The following BIN1 variants were observed in gnomAD, a reference collection of about 807,000 sequenced individuals.
BIN1 encodes myc box-dependent-interacting protein 1.
A neutral mutation model predicts 82.0 loss-of-function variants in BIN1; 53 were observed. The observed-to-expected ratio is 0.65, with a 90% CI of 0.52 to 0.81. The LOEUF is 0.81. Among genes scored for constraint, BIN1 ranks in the 40% least tolerant of loss-of-function variants. The pLI is 0.00. For synonymous variants in BIN1, 302 were observed against 328.0 expected (o/e 0.92, Z 0.86); for missense variants, 642 against 784.4 (o/e 0.82, Z 2.17).
intron 1 of BIN1, among the ~76,000 whole-genome samples, chr2:127,089,274 C>T (rs945372001): frequency 2.0e-5 from 3 of 152,062 alleles, no homozygotes; most frequent in Non-Finnish European, 4.4e-5. Context: ...AAGACTCTGG[C>T]CCTTAAAACC....
At chr2:127,077,707 G>A (rs1686797989) in intron 1 of BIN1, among the ~76,000 whole-genome samples, 1 of 152,144 alleles carries the variant, frequency 6.6e-6, no homozygotes, top group Non-Finnish European at 1.5e-5. Context: ...AAGAGCTGGG[G>A]CACAGAAAAG....
chr2:127,094,048 C>T (rs924621420), intron 1 of BIN1, among the ~76,000 whole-genome samples: 15 of 152,312 alleles, frequency 9.8e-5, no homozygotes, highest in Middle Eastern at 3.4e-3. Context: ...GCCGGCACCC[C>T]GACCTTCAGG....
chr2:127,066,958 C>G (rs1685217808), intron 7 of BIN1, among the ~76,000 whole-genome samples: 1 of 151,878 alleles, frequency 6.6e-6, no homozygotes, highest in Non-Finnish European at 1.5e-5. Flanking sequence ...GTGGTCCCAG[C>G]TACTCGGGAG....
At chr2:127,063,909 G>A in intron 8 of BIN1, 24 bp downstream of exon 8, 1 of 1,612,124 alleles carries the variant, frequency 6.2e-7, no homozygotes, top group Non-Finnish European at 8.5e-7. Context: ...CCCCACGCAG[G>A]CTGGGCACCG....
chr2:127,081,989 G>A (rs1023388240), intron 1 of BIN1: 2 of 960,830 alleles, frequency 2.1e-6, no homozygotes, highest in South Asian at 1.6e-5. Flanking sequence ...AGGCTCCCCA[G>A]GCAGGCAGAC....
At chr2:127,051,508 A>G (rs1337992749) in intron 15 of BIN1, among the ~76,000 whole-genome samples, 2 of 152,054 alleles carry the variant, frequency 1.3e-5, no homozygotes, top group Non-Finnish European at 2.9e-5. Flanking sequence ...GCCCAGTGCA[A>G]GCCCCAGAGT....
Position 127,061,935 on chromosome 2 carries a change from C to T in BIN1, c.857+180G>A, listed in dbSNP as rs144499428. 9.0e-3 allele frequency among the ~76,000 whole-genome samples: 1,367 copies of T among 152,242 alleles called. 20 individuals carry two copies. The highest frequency in any genetic ancestry group is 0.031 in the African/African-American group (1,295 of 41,532). On this transcript the variant is annotated intron_variant, in intron 10 of 18. Coordinates refer to ENST00000316724, the MANE Select transcript of BIN1 (RefSeq NM_139343.3). ...ACACAGCCAGAGGGGCAGGGACATT[C>T]GAGACAGAGACCTGCCCTCACCTGC...
intron 1 of BIN1, among the ~76,000 whole-genome samples, chr2:127,092,401 C>A (rs943149753): frequency 6.6e-6 from 1 of 152,180 alleles, no homozygotes; most frequent in Non-Finnish European, 1.5e-5. Context: ...AGGTGCCATC[C>A]CTCCCTGGGC....
chr2:127,094,426 C>T (rs1408070374), intron 1 of BIN1, among the ~76,000 whole-genome samples: 2 of 152,190 alleles, frequency 1.3e-5, no homozygotes, highest in Non-Finnish European at 2.9e-5. Context: ...GACCAGCAAA[C>T]AGGGTTTGCT....
At position 127,057,362 on chromosome 2, in the gene BIN1, C is replaced by A; in HGVS notation, c.1131+111G>T. On this transcript the variant is annotated intron_variant, in intron 12 of 18. Coordinates refer to ENST00000316724, the MANE Select transcript of BIN1 (RefSeq NM_139343.3). This position sits in a 1 kb window ranked among gnomAD's most constrained non-coding sequence, Gnocchi z 5.0. ...AGGGTGAGAGAGGGAAACTGACACT[C>A]TCTCTGGCCAGATTCCTGGCTCTTG... The A allele has an allele frequency of 7.3e-7, 1 of 1,362,328 alleles. No individual in the cohort carries two copies. The highest frequency in any genetic ancestry group is 2.8e-5 in the Admixed American group (1 of 35,710). 84.4% of individuals were successfully genotyped at this position (1,362,328 alleles called of 1,614,324 possible). A position where few individuals can be genotyped will look rare whatever the true frequency, so the allele number is the denominator to read the frequency against.
At chr2:127,078,678 C>T (rs1178227918) in intron 1 of BIN1, among the ~76,000 whole-genome samples, 1 of 152,172 alleles carries the variant, frequency 6.6e-6, no homozygotes, top group African/African-American at 2.4e-5. Context: ...ACAAAACCCC[C>T]ACATGAGCAA....
Position 127,048,175 on chromosome 2 carries a change from G to A in BIN1, c.*351C>T, listed in dbSNP as rs1682410678. ...CCCACAGCAGCTGCCAGGAAAAGAGGACCCTTGCCCGGGTGGCGCGGCCGA... is the reference window on the plus strand; with the variant it reads ...CCCACAGCAGCTGCCAGGAAAAGAGAACCCTTGCCCGGGTGGCGCGGCCGA... On this transcript the variant is annotated 3_prime_UTR_variant, in exon 19 of 19. Transcript: ENST00000316724. 1 of 352,682 alleles carries A rather than the reference G, an allele frequency of 2.8e-6. No individual in the cohort carries two copies. 21.8% of individuals were successfully genotyped at this position (352,682 alleles called of 1,614,324 possible). A position where few individuals can be genotyped will look rare whatever the true frequency, so the allele number is the denominator to read the frequency against.
intron 5 of BIN1, 82 bp from the exon 6 acceptor site, chr2:127,069,113 G>A (rs950586368): frequency 1.1e-5 from 15 of 1,315,024 alleles, no homozygotes; most frequent in African/African-American, 2.9e-5. Context: ...GGAGGGACCC[G>A]CAGGGCGGGC....
chr2:127,100,868 G>A (rs952490327), intron 1 of BIN1, among the ~76,000 whole-genome samples: 5 of 152,062 alleles, frequency 3.3e-5, no homozygotes, highest in Admixed American at 6.5e-5. Context: ...CCACCTGAGT[G>A]GGCAGCCTCT....
At chr2:127,103,944 G>C (rs754955147) in intron 1 of BIN1, among the ~76,000 whole-genome samples, 2 of 152,256 alleles carry the variant, frequency 1.3e-5, no homozygotes, top group African/African-American at 2.4e-5. Context: ...CAGGGGGCCA[G>C]GAGCAATGGT....
intron 1 of BIN1, among the ~76,000 whole-genome samples, chr2:127,080,861 C>T (rs1687201751): frequency 6.6e-6 from 1 of 152,232 alleles, no homozygotes; most frequent in African/African-American, 2.4e-5. Flanking sequence ...TTCAGCCTCG[C>T]TGGGCCTCGG....
At chr2:127,048,921 C>G (rs1208112888) in intron 18 of BIN1, among the ~76,000 whole-genome samples, 1 of 152,200 alleles carries the variant, frequency 6.6e-6, no homozygotes, top group African/African-American at 2.4e-5. Context: ...GCACATCAGC[C>G]CTTCCAGGAT....
chr2:127,050,271 T>C (rs1682732016), intron 18 of BIN1, 150 bp downstream of exon 18: 2 of 755,432 alleles, frequency 2.6e-6, no homozygotes, highest in South Asian at 3.2e-5. Flanking sequence ...AAGCCCGACG[T>C]GGAGGGCGGG....
At chr2:127,085,748 C>A (rs971290495) in intron 1 of BIN1, among the ~76,000 whole-genome samples, 1 of 152,202 alleles carries the variant, frequency 6.6e-6, no homozygotes, top group Non-Finnish European at 1.5e-5. Flanking sequence ...AGGGCTGCTC[C>A]GAAAGGGGGA....
Sources: allele counts gnomAD v4.1 joint callset (sites outside exome capture counted in the v4.1 genomes callset), GRCh38; gene constraint gnomAD v4.1.1; non-coding constraint Gnocchi (gnomAD v3.1); transcripts MANE v1.5; gene names NCBI Gene and HGNC (gene_info 2026-07-23, HGNC 2026-07-21).